POLE4: variants seen among roughly 807,000 people sequenced by gnomAD.
POLE4 encodes DNA polymerase epsilon 4, accessory subunit, also known as DNA polymerase epsilon subunit 4.
Under a neutral mutation model 15.6 loss-of-function variants are expected in POLE4, and 15 were observed. That is an observed-to-expected ratio of 0.96 (90% confidence interval 0.64 to 1.48). POLE4 has a LOEUF of 1.48. POLE4 is among the 40% of genes most tolerant of loss of function. POLE4 has a pLI of 0.00. For missense variants in POLE4, 205 were observed against 151.9 expected (o/e 1.35, Z -1.84); for synonymous variants, 83 against 63.2 (o/e 1.31, Z -1.49).
chr2:74,967,798 A>C (rs1026966837), intron 3 of POLE4, among the ~76,000 whole-genome samples: 2 of 152,220 alleles, frequency 1.3e-5, no homozygotes, highest in Non-Finnish European at 2.9e-5. Flanking sequence ...ACCTACAGCC[A>C]TTATCAGTGC....
intron 3 of POLE4, among the ~76,000 whole-genome samples, chr2:74,962,783 C>G (rs920236429): frequency 6.6e-6 from 1 of 152,176 alleles, no homozygotes; most frequent in Non-Finnish European, 1.5e-5. Flanking sequence ...CCCGACATTA[C>G]TGTTTCCTAA....
At chr2:74,966,310 T>G (rs966773930) in intron 3 of POLE4, among the ~76,000 whole-genome samples, 18 of 152,362 alleles carry the variant, frequency 1.2e-4, no homozygotes, top group African/African-American at 4.3e-4. Flanking sequence ...TTGTTTTGTC[T>G]TTGTCAATCT....
At chr2:74,960,882 A>G (rs1443397102) in intron 3 of POLE4, among the ~76,000 whole-genome samples, 1 of 152,174 alleles carries the variant, frequency 6.6e-6, no homozygotes, top group Admixed American at 6.5e-5. Context: ...TACCTTTTCT[A>G]TGTTTAGATT....
intron 1 of POLE4, 119 bp from the exon 2 acceptor site, chr2:74,959,222 A>G: frequency 3.0e-6 from 2 of 658,732 alleles, no homozygotes; most frequent in African/African-American, 1.8e-5. Context: ...CTTAGCTTCC[A>G]GAACATTTTC....
intron 3 of POLE4, among the ~76,000 whole-genome samples, chr2:74,968,116 C>T (rs901080400): frequency 6.6e-6 from 1 of 152,190 alleles, no homozygotes; most frequent in Non-Finnish European, 1.5e-5. Flanking sequence ...TGTGTTCTTA[C>T]TGTCTCTAGA....
intron 3 of POLE4, among the ~76,000 whole-genome samples, chr2:74,966,699 T>C (rs1169241756): frequency 1.3e-5 from 2 of 152,228 alleles, no homozygotes; most frequent in Non-Finnish European, 2.9e-5. Context: ...CTGCTGTGCT[T>C]GGCCTCCTTT....
At chr2:74,962,704 A>T (rs1254058381) in intron 3 of POLE4, among the ~76,000 whole-genome samples, 1 of 152,212 alleles carries the variant, frequency 6.6e-6, no homozygotes, top group Non-Finnish European at 1.5e-5. Context: ...TGGCCAAGAG[A>T]TAGGGTATTG....
rs143439758 is a variant in POLE4 at position 74,968,122 on chromosome 2, C to G, written c.341-1287C>G. Reference sequence around the variant, plus strand: ...GGTTTGTTTTGTGTTCTTACTGTCTCTAGATTTCACATTTGCTTTTTCTTG... The same window carrying G: ...GGTTTGTTTTGTGTTCTTACTGTCTGTAGATTTCACATTTGCTTTTTCTTG... On this transcript the variant is annotated intron_variant, in intron 3 of 3. Transcript: ENST00000483063. Among the ~76,000 whole-genome samples the G allele has an allele frequency of 2.6e-5, 4 of 152,272 alleles. No homozygotes were observed. The East Asian group carries it at 7.7e-4, about 29-fold the overall frequency.
intron 3 of POLE4, among the ~76,000 whole-genome samples, chr2:74,964,372 T>C (rs149546663): frequency 1.3e-5 from 2 of 152,304 alleles, no homozygotes; most frequent in East Asian, 3.9e-4. Flanking sequence ...AAAAGAGATA[T>C]TAATTGGGAT....
chr2:74,969,154 A>G (rs1671333263), intron 3 of POLE4, among the ~76,000 whole-genome samples: 1 of 152,154 alleles, frequency 6.6e-6, no homozygotes, highest in South Asian at 2.1e-4. Context: ...TAACTAACAC[A>G]ACGACTTCTT....
At chr2:74,965,538 G>A (rs753222988) in intron 3 of POLE4, among the ~76,000 whole-genome samples, 3 of 152,164 alleles carry the variant, frequency 2.0e-5, no homozygotes, top group African/African-American at 7.2e-5. Context: ...TAGATTTTCT[G>A]TGTTCTTACT....
At chr2:74,965,631 C>T (rs945402186) in intron 3 of POLE4, among the ~76,000 whole-genome samples, 1 of 152,134 alleles carries the variant, frequency 6.6e-6, no homozygotes, top group Non-Finnish European at 1.5e-5. Flanking sequence ...ACTATTTCTA[C>T]TTATATTTCT....
intron 3 of POLE4, among the ~76,000 whole-genome samples, chr2:74,966,568 G>T (rs1042277752): frequency 2.0e-5 from 3 of 151,756 alleles, no homozygotes; most frequent in Middle Eastern, 3.2e-3. Flanking sequence ...AGCCTGGCTA[G>T]TTTTTTTTGT....
At chr2:74,967,536 A>G (rs1166384817) in intron 3 of POLE4, among the ~76,000 whole-genome samples, 1 of 152,072 alleles carries the variant, frequency 6.6e-6, no homozygotes, top group African/African-American at 2.4e-5. Context: ...TGAATGTTCC[A>G]TCCAATATAT....
At chr2:74,959,465 G>A in intron 2 of POLE4, 40 bp downstream of exon 2, 1 of 1,346,196 alleles carries the variant, frequency 7.4e-7, no homozygotes, top group Non-Finnish European at 1.1e-6. Flanking sequence ...GACAAGGGAG[G>A]GCTGGGCTGG....
chr2:74,962,422 T>C (rs17010582), intron 3 of POLE4, among the ~76,000 whole-genome samples: 37,081 of 152,016 alleles, frequency 0.24, 4,980 homozygotes, highest in Admixed American at 0.37. Context: ...TCTTCCATGC[T>C]TTATCTCTGG....
chr2:74,959,532 C>T (rs1226246756), intron 2 of POLE4, 107 bp downstream of exon 2: 1 of 698,684 alleles, frequency 1.4e-6, no homozygotes, highest in African/African-American at 1.8e-5. Flanking sequence ...GCCACAGCGT[C>T]TCTCCCCAGG....
Position 74,969,525 on chromosome 2 carries a change from C to A in POLE4, c.*103C>A. The A allele has an allele frequency of 9.8e-7, 1 of 1,016,780 alleles. No homozygotes were observed. Among genetic ancestry groups the A allele is most frequent in the Non-Finnish European group, 1.6e-6 (1 of 635,064 alleles). 63.0% of individuals were successfully genotyped at this position (1,016,780 alleles called of 1,614,324 possible). A position where few individuals can be genotyped will look rare whatever the true frequency, so the allele number is the denominator to read the frequency against. On this transcript the variant is annotated 3_prime_UTR_variant, in exon 4 of 4. Transcript: ENST00000483063. ...AACGGAGTCTTTGCACTTACACACA[C>A]TCTTCCTGTTCTGCCTTCACCTATG...
At chr2:74,965,195 G>T (rs1408417822) in intron 3 of POLE4, among the ~76,000 whole-genome samples, 1 of 151,212 alleles carries the variant, frequency 6.6e-6, no homozygotes, top group East Asian at 1.9e-4. Context: ...CTGGGTTCAA[G>T]TGATTCTCCT....
Sources: gnomAD v4.1 joint callset for allele counts (sites outside exome capture counted in the v4.1 genomes callset) on GRCh38, gnomAD v4.1.1 for gene constraint, MANE v1.5 for transcripts, NCBI Gene and HGNC (gene_info 2026-07-23, HGNC 2026-07-21) for gene names.